SPRR2G: variants seen among roughly 807,000 people sequenced by gnomAD.
SPRR2G encodes the protein small proline rich protein 2G, also known as small proline-rich protein 2G.
A neutral mutation model predicts 0.7 loss-of-function variants in SPRR2G; 1 was observed. That is an observed-to-expected ratio of 1.49 (90% CI 0.53 to 7.06). The LOEUF is 7.06. Among genes scored for constraint, SPRR2G ranks in the 30% most tolerant of loss-of-function variants. The probability of loss-of-function intolerance (pLI) is 0.14; values close to 1 mark genes in which losing one functional copy is unlikely to be tolerated. For synonymous variants in SPRR2G, 38 were observed against 33.9 expected, an observed-to-expected ratio of 1.12 and a Z score of -0.42; for missense variants, 96 against 88.5, an observed-to-expected ratio of 1.09 and a Z score of -0.34.
At chr1:153,153,737 G>A (rs1030075021), upstream of SPRR2G, among the ~76,000 whole-genome samples, 1 of 152,084 alleles carries the variant, frequency 6.6e-6, no homozygotes, top group African/African-American at 2.4e-5. Context: ...AACATTTATA[G>A]CCTAGTTCTT....
At chr1:153,159,496 G>A in the SPRR2G span, among the ~76,000 whole-genome samples, 1 of 152,174 alleles carries the variant, frequency 6.6e-6, no homozygotes, top group East Asian at 1.9e-4. Context: ...CTTCTTCTGA[G>A]CCCTCCAAAC....
chr1:153,156,028 C>T, the SPRR2G span, among the ~76,000 whole-genome samples: 2 of 151,440 alleles, frequency 1.3e-5, no homozygotes, highest in Admixed American at 6.5e-5. Flanking sequence ...CAGACTGCAA[C>T]TTCACCTACA....
chr1:153,189,136 T>C, the SPRR2G span, among the ~76,000 whole-genome samples: 2 of 152,374 alleles, frequency 1.3e-5, no homozygotes, highest in East Asian at 3.9e-4. Context: ...TTTTTATCTA[T>C]GTTCTTGAAA....
the SPRR2G span, among the ~76,000 whole-genome samples, chr1:153,182,950 GA>G: frequency 6.6e-6 from 1 of 151,962 alleles, no homozygotes; most frequent in Non-Finnish European, 1.5e-5. Flanking sequence ...GATCTTTGAG[GA>G]ATTCCTGCAT....
upstream of SPRR2G, among the ~76,000 whole-genome samples, chr1:153,152,354 C>T (rs899974574): frequency 3.3e-5 from 5 of 152,102 alleles, no homozygotes; most frequent in Non-Finnish European, 5.9e-5. Flanking sequence ...AGGGTCGGCA[C>T]CTTGTTTTCC....
chr1:153,170,796 C>T, the SPRR2G span, among the ~76,000 whole-genome samples: 2 of 152,204 alleles, frequency 1.3e-5, no homozygotes, highest in African/African-American at 4.8e-5. Flanking sequence ...CACCTCCCCA[C>T]GGCTGCCCAC....
At chr1:153,167,038 A>G in the SPRR2G span, among the ~76,000 whole-genome samples, 3 of 152,218 alleles carry the variant, frequency 2.0e-5, no homozygotes, top group African/African-American at 7.2e-5. Context: ...ATGGACCCTG[A>G]TGCAATCTAC....
the SPRR2G span, among the ~76,000 whole-genome samples, chr1:153,172,067 C>T: frequency 1.3e-5 from 2 of 152,166 alleles, no homozygotes; most frequent in African/African-American, 4.8e-5. Flanking sequence ...CCTACAGCTT[C>T]AGGTATCCAG....
the SPRR2G span, among the ~76,000 whole-genome samples, chr1:153,165,117 T>G: frequency 6.6e-6 from 1 of 152,138 alleles, no homozygotes; most frequent in African/African-American, 2.4e-5. Flanking sequence ...CCAGAATATT[T>G]GCACCCAGGC....
the SPRR2G span, among the ~76,000 whole-genome samples, chr1:153,178,617 A>G: frequency 6.6e-5 from 10 of 152,254 alleles, no homozygotes; most frequent in Non-Finnish European, 1.2e-4. Flanking sequence ...CATTTATAAT[A>G]TTAAATAAAC....
At chr1:153,165,130 C>T in the SPRR2G span, among the ~76,000 whole-genome samples, 8 of 152,142 alleles carry the variant, frequency 5.3e-5, no homozygotes, top group African/African-American at 1.9e-4. Flanking sequence ...ACCCAGGCAG[C>T]TTTCAGGATG....
the SPRR2G span, among the ~76,000 whole-genome samples, chr1:153,188,566 G>A: frequency 1.3e-5 from 2 of 152,174 alleles, no homozygotes; most frequent in Admixed American, 6.5e-5. Flanking sequence ...ACTTCAGACA[G>A]CTGTGCTGGC....
At chr1:153,188,180 G>C in the SPRR2G span, among the ~76,000 whole-genome samples, 1 of 152,124 alleles carries the variant, frequency 6.6e-6, no homozygotes, top group Non-Finnish European at 1.5e-5. Flanking sequence ...GAGGCACAGG[G>C]GTCAGGGACC....
the SPRR2G span, among the ~76,000 whole-genome samples, chr1:153,157,826 A>G: frequency 6.6e-6 from 1 of 150,380 alleles, no homozygotes; most frequent in African/African-American, 2.4e-5. Flanking sequence ...ACTGACTCAC[A>G]GTTCCCCATG....
At chr1:153,168,890 G>T in the SPRR2G span, among the ~76,000 whole-genome samples, 14 of 142,494 alleles carry the variant, frequency 9.8e-5, 1 homozygote, top group Non-Finnish European at 1.7e-4. Flanking sequence ...TCTTGACTGT[G>T]TACTCATGAG....
At chr1:153,200,936 G>C in the SPRR2G span, among the ~76,000 whole-genome samples, 2 of 152,144 alleles carry the variant, frequency 1.3e-5, no homozygotes, top group South Asian at 2.1e-4. Flanking sequence ...TCAAACTCCT[G>C]ACCTCGTGAT....
the SPRR2G span, among the ~76,000 whole-genome samples, chr1:153,165,717 T>C: frequency 6.6e-6 from 1 of 152,164 alleles, no homozygotes; most frequent in Admixed American, 6.5e-5. Context: ...GACAAAATAA[T>C]ATATAATAAA....
the SPRR2G span, among the ~76,000 whole-genome samples, chr1:153,184,016 A>G: frequency 6.6e-6 from 1 of 152,184 alleles, no homozygotes; most frequent in African/African-American, 2.4e-5. Flanking sequence ...TTTGTCAAAG[A>G]TCAGATGGTT....
At chr1:153,169,794 T>G in the SPRR2G span, among the ~76,000 whole-genome samples, 1 of 152,196 alleles carries the variant, frequency 6.6e-6, no homozygotes, top group Non-Finnish European at 1.5e-5. Context: ...TATAGCTTAT[T>G]CAACATGTAT....
Sources: allele counts gnomAD v4.1 joint callset (sites outside exome capture counted in the v4.1 genomes callset), GRCh38; gene constraint gnomAD v4.1.1; transcripts MANE v1.5; gene names NCBI Gene and HGNC (gene_info 2026-07-23, HGNC 2026-07-21).